Variants in CNTN3 observed in about 807,000 individuals in gnomAD.
The protein encoded by CNTN3 is contactin 3.
In CNTN3, 60 loss-of-function variants were observed where a neutral mutation model predicts 119.1. The ratio of observed to expected loss-of-function variants is 0.50; its 90% CI spans 0.41 to 0.62. CNTN3 has a LOEUF of 0.62. Ranked by LOEUF, CNTN3 falls within the 20% of genes least tolerant of loss-of-function variation. The pLI is 0.00. For synonymous variants in CNTN3, 450 were observed against 438.7 expected (o/e 1.03, Z -0.32); for missense variants, 1,101 against 1,242.4 (o/e 0.89, Z 1.71).
At chr3:74,383,647 G>GCTAATTTT (rs1336844977) in intron 5 of CNTN3, among the ~76,000 whole-genome samples, 1 of 152,020 alleles carries the variant, frequency 6.6e-6, no homozygotes. Flanking sequence ...ATGACGCCTG[G>GCTAATTTT]CTAATTTTCT....
Position 74,452,594 on chromosome 3 carries a change from A to C in CNTN3, c.359-27654T>G, listed in dbSNP as rs1208420693. ...AGAGAGGGCATCCCTGTCTTCTGCCAGTTTTCAAAGGGAATGCTTCCAGTT... is the reference window on the plus strand; with the variant it reads ...AGAGAGGGCATCCCTGTCTTCTGCCCGTTTTCAAAGGGAATGCTTCCAGTT... On this transcript the variant is annotated intron_variant, in intron 4 of 22. Transcript: ENST00000263665. Among the ~76,000 whole-genome samples the C allele has an allele frequency of 1.1e-4, 12 of 112,770 alleles. 2 individuals carry two copies. The highest frequency in any genetic ancestry group is 1.8e-4 in the Non-Finnish European group (10 of 54,182). 74.0% of individuals were successfully genotyped at this position (112,770 alleles called of 152,430 possible). A position where few individuals can be genotyped will look rare whatever the true frequency, so the allele number is the denominator to read the frequency against.
rs146049716 is a variant in CNTN3 at position 74,433,422 on chromosome 3, T to C, written c.359-8482A>G. On this transcript the variant is annotated intron_variant, in intron 4 of 22. Transcript: ENST00000263665. ...TGCGAGATTTTAAAACAGGTGTGCA[T>C]TGTAAGTCTCCAAGCAGAGACTGAA... Among the ~76,000 whole-genome samples the C allele has an allele frequency of 2.1e-3, 317 of 152,282 alleles. 1 individual carries two copies. The highest frequency in any genetic ancestry group is 7.2e-3 in the African/African-American group (299 of 41,548).
At chr3:74,566,378 C>A (rs917396251) in intron 1 of CNTN3, among the ~76,000 whole-genome samples, 3 of 152,124 alleles carry the variant, frequency 2.0e-5, no homozygotes, top group Non-Finnish European at 2.9e-5. Context: ...TACCACAAAC[C>A]AGGTGGCTTA....
chr3:74,521,056 A>ACCTC lies in CNTN3; in HGVS notation c.53_55+1dup. ...CTTAGAAAATATAGGATTTTTTTTT[A>ACCTC]CCTCCTAAGCAGCCAATGAATGAAA... On this transcript the variant is annotated splice_donor_variant, in intron 2 of 22. Coordinates refer to ENST00000263665, the MANE Select transcript of CNTN3 (RefSeq NM_020872.3). LOFTEE classifies it high-confidence loss of function. 1 of 1,574,942 alleles carries ACCTC rather than the reference A, an allele frequency of 6.3e-7. No homozygotes were observed. Among genetic ancestry groups the ACCTC allele is most frequent in the Non-Finnish European group, 8.6e-7 (1 of 1,156,584 alleles).
intron 1 of CNTN3, among the ~76,000 whole-genome samples, chr3:74,592,857 G>A (rs1324238806): frequency 1.3e-5 from 2 of 151,850 alleles, no homozygotes; most frequent in Admixed American, 6.6e-5. Context: ...CCCAAAAAGA[G>A]ATTCTCTTAT....
chr3:74,577,098 G>C (rs2106661087), intron 1 of CNTN3, among the ~76,000 whole-genome samples: 1 of 152,212 alleles, frequency 6.6e-6, no homozygotes, highest in Middle Eastern at 3.4e-3. Flanking sequence ...CCTCTCCCTA[G>C]AGAAGATACA....
chr3:74,592,529 G>A (rs950986895), intron 1 of CNTN3, among the ~76,000 whole-genome samples: 3 of 151,660 alleles, frequency 2.0e-5, no homozygotes, highest in Admixed American at 6.6e-5. Flanking sequence ...TACTTAAGAA[G>A]TCAAAAAGAG....
intron 4 of CNTN3, among the ~76,000 whole-genome samples, chr3:74,469,927 T>C (rs1575757804): frequency 6.6e-6 from 1 of 152,208 alleles, no homozygotes. Context: ...GCATTATTTA[T>C]AGCAATGAAA....
At chr3:74,447,416 A>C (rs550709249) in intron 4 of CNTN3, among the ~76,000 whole-genome samples, 1 of 152,354 alleles carries the variant, frequency 6.6e-6, no homozygotes, top group Admixed American at 6.5e-5. Flanking sequence ...GATGTAATCC[A>C]TATGGGTCCC....
At chr3:74,384,372 C>G (rs1559574896) in intron 5 of CNTN3, among the ~76,000 whole-genome samples, 1 of 152,190 alleles carries the variant, frequency 6.6e-6, no homozygotes, top group Non-Finnish European at 1.5e-5. Context: ...ATTCTTCCGC[C>G]AACATGATAA....
At chr3:74,284,892 T>C (rs983120694) in intron 20 of CNTN3, among the ~76,000 whole-genome samples, 2 of 152,176 alleles carry the variant, frequency 1.3e-5, no homozygotes, top group African/African-American at 4.8e-5. Context: ...ATTTTTTGTA[T>C]GATGGAGGAA....
chr3:74,484,431 C>T (rs1702815850), intron 4 of CNTN3, among the ~76,000 whole-genome samples: 1 of 151,822 alleles, frequency 6.6e-6, no homozygotes, highest in African/African-American at 2.4e-5. Context: ...AAAAGAATTT[C>T]AAAGAATGGG....
At chr3:74,346,539 A>G (rs144124459) in intron 11 of CNTN3, among the ~76,000 whole-genome samples, 16 of 152,344 alleles carry the variant, frequency 1.1e-4, no homozygotes, top group African/African-American at 3.8e-4. Context: ...TCATAGTACA[A>G]AATGAATTGT....
At chr3:74,378,913 C>T (rs1215117448) in intron 5 of CNTN3, among the ~76,000 whole-genome samples, 1 of 152,144 alleles carries the variant, frequency 6.6e-6, no homozygotes, top group Non-Finnish European at 1.5e-5. Context: ...ATGCTAGGCC[C>T]CTAAGACTTT....
chr3:74,273,276 T>A (rs1701817045), intron 20 of CNTN3, among the ~76,000 whole-genome samples: 1 of 152,158 alleles, frequency 6.6e-6, no homozygotes. Context: ...AAGACACACC[T>A]ACTTGGAACA....
chr3:74,470,717 T>C (rs1702544152), intron 4 of CNTN3, among the ~76,000 whole-genome samples: 1 of 152,186 alleles, frequency 6.6e-6, no homozygotes, highest in African/African-American at 2.4e-5. Flanking sequence ...ATGTGTTTAA[T>C]AACAAACTCA....
At chr3:74,358,327 G>A (rs1395295055) in intron 11 of CNTN3, among the ~76,000 whole-genome samples, 1 of 152,020 alleles carries the variant, frequency 6.6e-6, no homozygotes, top group Non-Finnish European at 1.5e-5. Flanking sequence ...AGGCTTGAAA[G>A]GGATAGAGAA....
chr3:74,508,604 A>C (rs181495250), intron 2 of CNTN3, among the ~76,000 whole-genome samples: 271 of 152,308 alleles, frequency 1.8e-3, no homozygotes, highest in African/African-American at 6.0e-3. Flanking sequence ...ACTGATAAAA[A>C]GATTTCTTCA....
intron 4 of CNTN3, among the ~76,000 whole-genome samples, chr3:74,457,649 A>G (rs543476125): frequency 1.3e-5 from 2 of 152,160 alleles, no homozygotes; most frequent in Admixed American, 1.3e-4. Context: ...CACGTGTGCC[A>G]CATGCATACT....
Sources: gnomAD v4.1 joint callset for allele counts (sites outside exome capture counted in the v4.1 genomes callset) on GRCh38, gnomAD v4.1.1 for gene constraint, MANE v1.5 for transcripts, NCBI Gene and HGNC (gene_info 2026-07-23, HGNC 2026-07-21) for gene names.